NHLRC2: variants seen among roughly 807,000 people sequenced by gnomAD.
NHLRC2 encodes the protein NHL repeat containing 2, also known as NHL repeat-containing protein 2.
A neutral mutation model predicts 68.1 loss-of-function variants in NHLRC2; 33 were observed. That is an observed-to-expected ratio of 0.48 (90% CI 0.37 to 0.65). The LOEUF (loss-of-function observed/expected upper bound fraction) is 0.65. NHLRC2 is among the 30% of genes least tolerant of loss of function. NHLRC2 has a pLI of 0.00. For synonymous variants in NHLRC2, 311 were observed against 309.6 expected (o/e 1.00, Z -0.05); for missense variants, 761 against 853.8 (o/e 0.89, Z 1.35).
intron 6 of NHLRC2, among the ~76,000 whole-genome samples, chr10:113,900,244 TA>T (rs1846216295): frequency 6.6e-6 from 1 of 152,182 alleles, no homozygotes; most frequent in Non-Finnish European, 1.5e-5. Flanking sequence ...GGAACAAGAC[TA>T]GAGACAGAGA....
chr10:113,873,633 C>G (rs749448424), intron 2 of NHLRC2, among the ~76,000 whole-genome samples: 2 of 152,186 alleles, frequency 1.3e-5, no homozygotes, highest in Non-Finnish European at 2.9e-5. Flanking sequence ...TAATTACTGG[C>G]AAATTATATC....
At position 113,908,643 on chromosome 10, in the gene NHLRC2, T is replaced by G; in HGVS notation, c.*107T>G. ...TCAGTTCTGCCTCTGGATACCAAGA[T>G]GCCCATTGCTCAGTTCAGACAACTG... On this transcript the variant is annotated 3_prime_UTR_variant, in exon 11 of 11. Coordinates refer to ENST00000369301, the MANE Select transcript of NHLRC2 (RefSeq NM_198514.4). 1.0e-6 allele frequency: 1 copy of G among 991,356 alleles called. No homozygotes were observed. The highest frequency in any genetic ancestry group is 1.5e-6 in the Non-Finnish European group (1 of 658,196). The allele number at this position is 991,356 out of a possible 1,614,324, so 61.4% of individuals were successfully genotyped here.
chr10:113,896,715 G>C (rs1846181337), intron 5 of NHLRC2, among the ~76,000 whole-genome samples: 1 of 152,076 alleles, frequency 6.6e-6, no homozygotes, highest in African/African-American at 2.4e-5. Flanking sequence ...AACTGGCTGG[G>C]CATGGTGGCT....
intron 2 of NHLRC2, among the ~76,000 whole-genome samples, chr10:113,874,681 G>A (rs1033951309): frequency 6.6e-6 from 1 of 151,758 alleles, no homozygotes; most frequent in African/African-American, 2.4e-5. Flanking sequence ...TGGGATTCCA[G>A]TATACTTATT....
chr10:113,890,272 AT>A (rs1846119335), intron 5 of NHLRC2, among the ~76,000 whole-genome samples: 1 of 152,086 alleles, frequency 6.6e-6, no homozygotes, highest in Non-Finnish European at 1.5e-5. Flanking sequence ...AGTTATTTTT[AT>A]TGCGTATGTG....
intron 5 of NHLRC2, among the ~76,000 whole-genome samples, chr10:113,894,950 T>C (rs1846164145): frequency 6.6e-6 from 1 of 152,142 alleles, no homozygotes; most frequent in Non-Finnish European, 1.5e-5. Flanking sequence ...TATTGATATA[T>C]ACATAATATA....
At chr10:113,898,630 A>T (rs992600622) in intron 6 of NHLRC2, among the ~76,000 whole-genome samples, 2 of 152,224 alleles carry the variant, frequency 1.3e-5, no homozygotes, top group Non-Finnish European at 2.9e-5. Context: ...ACTGTCTAGA[A>T]AGAGAACTAA....
intron 2 of NHLRC2, among the ~76,000 whole-genome samples, chr10:113,870,538 CTCCTA>C (rs1845912983): frequency 6.6e-6 from 1 of 152,196 alleles, no homozygotes; most frequent in East Asian, 1.9e-4. Flanking sequence ...TTCAGCCACT[CTCCTA>C]TCCTGTGTGT....
chr10:113,895,969 C>T (rs1344015758), intron 5 of NHLRC2, among the ~76,000 whole-genome samples: 1 of 152,096 alleles, frequency 6.6e-6, no homozygotes, highest in Non-Finnish European at 1.5e-5. Flanking sequence ...CAATGAGATA[C>T]CATCTCACAC....
intron 10 of NHLRC2, 146 bp downstream of exon 10, chr10:113,905,182 A>G (rs111448345): frequency 2.0e-5 from 9 of 447,104 alleles, no homozygotes; most frequent in South Asian, 6.2e-5. Flanking sequence ...CCAACCCCAC[A>G]TTGGCCATTT....
At chr10:113,872,415 T>G (rs1052260464) in intron 2 of NHLRC2, among the ~76,000 whole-genome samples, 3 of 151,852 alleles carry the variant, frequency 2.0e-5, no homozygotes, top group Non-Finnish European at 4.4e-5. Flanking sequence ...GCAGATCACA[T>G]CTATATAAAA....
At chr10:113,899,724 A>G (rs531089191) in intron 6 of NHLRC2, among the ~76,000 whole-genome samples, 1 of 152,162 alleles carries the variant, frequency 6.6e-6, no homozygotes, top group East Asian at 1.9e-4. Context: ...TCGAGACCAG[A>G]ATGACAATAT....
chr10:113,901,016 C>T (rs1417929793), intron 6 of NHLRC2, among the ~76,000 whole-genome samples: 1 of 152,048 alleles, frequency 6.6e-6, no homozygotes, highest in Non-Finnish European at 1.5e-5. Context: ...GGAATCATTG[C>T]AATAGTTCCT....
intron 5 of NHLRC2, among the ~76,000 whole-genome samples, chr10:113,893,197 C>G (rs1465377923): frequency 1.3e-5 from 2 of 152,032 alleles, no homozygotes; most frequent in Non-Finnish European, 2.9e-5. Context: ...TAATCAGATC[C>G]CTGTTTCTGA....
chr10:113,880,435 A>G (rs1254010298), intron 4 of NHLRC2, among the ~76,000 whole-genome samples: 1 of 151,740 alleles, frequency 6.6e-6, no homozygotes, highest in East Asian at 1.9e-4. Context: ...CGGTTATTTC[A>G]GACATTTCCT....
Position 113,855,037 on chromosome 10 carries a change from C to G in NHLRC2, c.165C>G (p.Pro55=). The G allele has an allele frequency of 5.8e-6, 9 of 1,552,306 alleles. No individual in the cohort carries two copies. The highest frequency in any genetic ancestry group is 2.4e-5 in the East Asian group (1 of 41,006). ...VDGWEQDLSV[P]EFPEGLEWLN... ...GCTGGGAGCAGGACTTGTCAGTACCCGAGTTTCCGGAAGGTGAGGGGCTGG... is the reference window on the plus strand; with the variant it reads ...GCTGGGAGCAGGACTTGTCAGTACCGGAGTTTCCGGAAGGTGAGGGGCTGG... Residue 55 remains proline (P), a synonymous_variant, in exon 1 of 11, where the codon CCC becomes CCG. Coordinates refer to ENST00000369301, the MANE Select transcript of NHLRC2 (RefSeq NM_198514.4).
chr10:113,884,176 GA>G (rs1387329009), intron 4 of NHLRC2, 74 bp from the exon 5 acceptor site: 1 of 1,404,702 alleles, frequency 7.1e-7, no homozygotes, highest in African/African-American at 1.4e-5. Context: ...ATTGACTATT[GA>G]AAATCTTTAC....
intron 10 of NHLRC2, among the ~76,000 whole-genome samples, chr10:113,906,728 G>A (rs762268643): frequency 1.3e-5 from 2 of 152,182 alleles, no homozygotes; most frequent in Non-Finnish European, 1.5e-5. Context: ...GGTGGCTCAC[G>A]CCTGTAATCC....
rs546609724 is a variant in NHLRC2 at position 113,859,279 on chromosome 10, AAATT to A, written c.331+603_331+606del. ...TACTTATTGGCTTTAGAAGTTTGAA[AAATT>A]AATCAAATTTTTTTTGTCTACTTTC... is the stretch of plus-strand genomic sequence containing the variant. On this transcript the variant is annotated intron_variant, in intron 2 of 10. Coordinates refer to ENST00000369301, the MANE Select transcript of NHLRC2 (RefSeq NM_198514.4). Among the ~76,000 whole-genome samples, 37 of 152,298 alleles carry A rather than the reference AAATT, an allele frequency of 2.4e-4. No homozygotes were observed. The South Asian group carries it at 7.3e-3, about 30-fold the overall frequency.
Sources: gnomAD v4.1 joint callset for allele counts (sites outside exome capture counted in the v4.1 genomes callset) on GRCh38, gnomAD v4.1.1 for gene constraint, MANE v1.5 for transcripts, NCBI Gene and HGNC (gene_info 2026-07-23, HGNC 2026-07-21) for gene names.